The following CALN1 variants were observed in gnomAD, a reference collection of about 807,000 sequenced individuals.
The protein encoded by CALN1 is calneuron 1, also known as calcium-binding protein 8.
CALN1 carries 17 observed loss-of-function variants against 30.6 expected under a neutral mutation model. The ratio of observed to expected loss-of-function variants is 0.56; its 90% CI spans 0.38 to 0.83. The LOEUF is 0.83. Among genes scored for constraint, CALN1 ranks in the 40% least tolerant of loss-of-function variants. The probability of loss-of-function intolerance (pLI) is 0.00; values close to 1 mark genes in which losing one functional copy is unlikely to be tolerated. For missense variants in CALN1, 291 were observed against 354.9 expected (o/e 0.82, Z 1.45); for synonymous variants, 156 against 131.4 (o/e 1.19, Z -1.28).
At chr7:72,035,226 C>A (rs1801722303) in intron 4 of CALN1, among the ~76,000 whole-genome samples, 1 of 152,038 alleles carries the variant, frequency 6.6e-6, no homozygotes, top group African/African-American at 2.4e-5. Flanking sequence ...CCTCTGAATT[C>A]TTTTCTTCTT....
At chr7:71,960,976 CTGG>C (rs1797221937) in intron 5 of CALN1, among the ~76,000 whole-genome samples, 1 of 152,140 alleles carries the variant, frequency 6.6e-6, no homozygotes, top group Non-Finnish European at 1.5e-5. Context: ...GACACCACAC[CTGG>C]CTAATTTTTG....
At chr7:72,494,985 CAACGCCT>C in the CALN1 span, among the ~76,000 whole-genome samples, 3 of 49,910 alleles carry the variant, frequency 6.0e-5, no homozygotes, top group East Asian at 3.4e-3. Context: ...CTGTAAGCTG[CAACGCCT>C]GCATGACCTG....
the CALN1 span, among the ~76,000 whole-genome samples, chr7:72,454,506 C>A: frequency 6.6e-6 from 1 of 152,176 alleles, no homozygotes; most frequent in Admixed American, 6.5e-5. Context: ...CCACAGACAC[C>A]AGACCCTGCC....
chr7:72,447,547 G>A (rs1366453081), upstream of CALN1, among the ~76,000 whole-genome samples: 5 of 152,268 alleles, frequency 3.3e-5, no homozygotes, highest in African/African-American at 4.8e-5. Flanking sequence ...GGGGCTGCAC[G>A]GGACACTGCC....
intron 3 of CALN1, among the ~76,000 whole-genome samples, chr7:72,259,134 T>A (rs1033396558): frequency 6.6e-6 from 1 of 151,606 alleles, no homozygotes; most frequent in Non-Finnish European, 1.5e-5. Context: ...AAAAAAGATA[T>A]GAAGAAACTT....
chr7:71,827,775 A>T (rs202058099), intron 5 of CALN1, among the ~76,000 whole-genome samples: 123 of 140,344 alleles, frequency 8.8e-4, no homozygotes, highest in African/African-American at 2.3e-3. Flanking sequence ...CCATCTTAAA[A>T]AAATAAATAA....
intron 5 of CALN1, among the ~76,000 whole-genome samples, chr7:71,848,004 T>C (rs910451986): frequency 1.3e-5 from 2 of 152,134 alleles, no homozygotes; most frequent in East Asian, 1.9e-4. Context: ...CTTTATAAAT[T>C]ACCCAGTCTC....
intron 2 of CALN1, among the ~76,000 whole-genome samples, chr7:72,308,731 G>A (rs1313927392): frequency 6.6e-6 from 1 of 152,026 alleles, no homozygotes; most frequent in Non-Finnish European, 1.5e-5. Context: ...TGTCAGCTGG[G>A]ACCCTCCTCT....
chr7:71,843,956 A>G (rs1404031979), intron 5 of CALN1, among the ~76,000 whole-genome samples: 4 of 151,794 alleles, frequency 2.6e-5, no homozygotes, highest in African/African-American at 9.7e-5. Flanking sequence ...ACAGCATCAG[A>G]GAAGCAGCTA....
intron 4 of CALN1, among the ~76,000 whole-genome samples, chr7:72,060,068 T>C (rs777476242): frequency 6.6e-6 from 1 of 152,044 alleles, no homozygotes; most frequent in Non-Finnish European, 1.5e-5. Context: ...GCAGTGGGCA[T>C]TGGTGTGGGT....
intron 3 of CALN1, among the ~76,000 whole-genome samples, chr7:72,243,986 G>A (rs1795004262): frequency 6.6e-6 from 1 of 152,172 alleles, no homozygotes; most frequent in Non-Finnish European, 1.5e-5. Context: ...CTTTCCAGGA[G>A]CTACTGTCAA....
At chr7:72,306,367 T>A (rs1346419487) in intron 2 of CALN1, among the ~76,000 whole-genome samples, 2 of 152,192 alleles carry the variant, frequency 1.3e-5, no homozygotes, top group Non-Finnish European at 2.9e-5. Flanking sequence ...ATTTGTCATC[T>A]ATCTATCTGT....
In CALN1 at chr7:72,240,985, C is replaced by G. The variant is rs1224560717; in HGVS notation, c.244+37701G>C. Among the ~76,000 whole-genome samples the G allele has an allele frequency of 2.0e-5, 3 of 152,198 alleles. No individual in the cohort carries two copies. In the South Asian group the frequency reaches 6.2e-4, roughly 31 times the overall value. ...TGCTCCCAGCCACCTCCTCTAAAAG[C>G]ATTACTTACTCCCCGCATTATCAGA... is the stretch of plus-strand genomic sequence containing the variant. On this transcript the variant is annotated intron_variant, in intron 3 of 6. Coordinates refer to ENST00000395275, the MANE Select transcript of CALN1 (RefSeq NM_031468.4).
At chr7:72,400,781 A>G (rs374794245) in intron 2 of CALN1, among the ~76,000 whole-genome samples, 2 of 152,300 alleles carry the variant, frequency 1.3e-5, no homozygotes, top group South Asian at 2.1e-4. Flanking sequence ...CTTAGATTTC[A>G]TGAGACCCAC....
chr7:71,957,947 C>T (rs907611533), intron 5 of CALN1, among the ~76,000 whole-genome samples: 3 of 151,476 alleles, frequency 2.0e-5, no homozygotes, highest in Admixed American at 1.3e-4. Flanking sequence ...CACCTGTAAT[C>T]CCAGCTACTT....
chr7:72,210,230 TG>T (rs1197923276), intron 3 of CALN1, among the ~76,000 whole-genome samples: 1 of 152,066 alleles, frequency 6.6e-6, no homozygotes, highest in Non-Finnish European at 1.5e-5. Flanking sequence ...GAGGCATGCC[TG>T]CAGTTCCATT....
Position 72,200,990 on chromosome 7 carries a change from T to C in CALN1, c.244+77696A>G, listed in dbSNP as rs528891259. On this transcript the variant is annotated intron_variant, in intron 3 of 6. Transcript: ENST00000395275. ...AAGACACCTGTTACTCACATGTTTA[T>C]TGCAGCACTATTCACAATAGCAAAG... Among the ~76,000 whole-genome samples the C allele has an allele frequency of 3.7e-4, 57 of 152,360 alleles. No homozygotes were observed. In the South Asian group the frequency reaches 0.011, roughly 30 times the overall value.
chr7:71,888,079 C>T (rs1178887796), intron 5 of CALN1, among the ~76,000 whole-genome samples: 1 of 151,920 alleles, frequency 6.6e-6, no homozygotes, highest in African/African-American at 2.4e-5. Flanking sequence ...ATAGGGAAGT[C>T]TGGGATAAAA....
intron 3 of CALN1, among the ~76,000 whole-genome samples, chr7:72,216,741 C>T (rs367659206): frequency 8.5e-5 from 13 of 152,306 alleles, no homozygotes; most frequent in African/African-American, 3.1e-4. Flanking sequence ...CCAAAAGAGA[C>T]AACTTCACAG....
Sources: allele counts gnomAD v4.1 joint callset (sites outside exome capture counted in the v4.1 genomes callset), GRCh38; gene constraint gnomAD v4.1.1; transcripts MANE v1.5; gene names NCBI Gene and HGNC (gene_info 2026-07-23, HGNC 2026-07-21).